The following EXOC6 variants were observed in gnomAD, a reference collection of about 807,000 sequenced individuals.
The protein encoded by EXOC6 is exocyst complex component 6, also known as SEC15-like 1.
Under a neutral mutation model 112.5 loss-of-function variants are expected in EXOC6, and 60 were observed. The observed-to-expected ratio is 0.53, with a 90% CI of 0.43 to 0.66. The LOEUF (loss-of-function observed/expected upper bound fraction) is 0.66. EXOC6 is among the 30% of genes least tolerant of loss of function. EXOC6 has a pLI of 0.00. For missense variants in EXOC6, 855 were observed against 957.1 expected, an observed-to-expected ratio of 0.89 and a Z score of 1.41; for synonymous variants, 295 against 308.0, an observed-to-expected ratio of 0.96 and a Z score of 0.44.
intron 7 of EXOC6, among the ~76,000 whole-genome samples, chr10:92,917,554 G>A (rs1468351925): frequency 1.4e-5 from 2 of 146,566 alleles, no homozygotes; most frequent in Non-Finnish European, 3.0e-5. Context: ...TTTAGAGATA[G>A]GGCTCACTGT....
At chr10:92,911,211 T>A (rs190941563) in intron 6 of EXOC6, among the ~76,000 whole-genome samples, 18 of 151,748 alleles carry the variant, frequency 1.2e-4, no homozygotes, top group African/African-American at 4.4e-4. Context: ...TAATGCGTGA[T>A]TTTTTTTTCC....
At chr10:93,016,333 G>T (rs1019065649) in intron 20 of EXOC6, among the ~76,000 whole-genome samples, 2 of 151,854 alleles carry the variant, frequency 1.3e-5, no homozygotes, top group African/African-American at 4.8e-5. Context: ...TAGAGACGGG[G>T]TTTTCCCATG....
At chr10:92,880,941 T>C (rs1257465264) in intron 1 of EXOC6, among the ~76,000 whole-genome samples, 13 of 152,358 alleles carry the variant, frequency 8.5e-5, no homozygotes, top group Non-Finnish European at 2.9e-5. Context: ...AAGTAACTTG[T>C]ATTCTACATG....
intron 1 of EXOC6, among the ~76,000 whole-genome samples, chr10:92,867,912 C>G (rs1412016273): frequency 6.6e-6 from 1 of 152,006 alleles, no homozygotes; most frequent in Non-Finnish European, 1.5e-5. Flanking sequence ...GTAAAATAGC[C>G]AAAAGACAGT....
At chr10:92,935,065 T>C (rs1156369953) in intron 11 of EXOC6, among the ~76,000 whole-genome samples, 1 of 151,978 alleles carries the variant, frequency 6.6e-6, no homozygotes, top group Non-Finnish European at 1.5e-5. Flanking sequence ...TTTGTCTATT[T>C]ATAATTTTAT....
At chr10:93,017,959 G>A (rs1409680321) in intron 20 of EXOC6, among the ~76,000 whole-genome samples, 4 of 149,302 alleles carry the variant, frequency 2.7e-5, no homozygotes, top group Non-Finnish European at 4.4e-5. Flanking sequence ...GCAGTGAGCC[G>A]AGATTGTGCC....
At chr10:92,962,981 G>A (rs1854101177) in intron 17 of EXOC6, among the ~76,000 whole-genome samples, 1 of 152,078 alleles carries the variant, frequency 6.6e-6, no homozygotes. Flanking sequence ...GGACCCTGAA[G>A]GCATTTAAGT....
chr10:92,892,980 GTTTAC>G (rs1014360533), intron 1 of EXOC6, among the ~76,000 whole-genome samples: 22 of 152,240 alleles, frequency 1.4e-4, no homozygotes, highest in African/African-American at 4.8e-5. Flanking sequence ...GAACATGAGC[GTTTAC>G]TTTACATAGT....
chr10:92,884,582 A>G (rs1849122120), intron 1 of EXOC6, among the ~76,000 whole-genome samples: 1 of 152,220 alleles, frequency 6.6e-6, no homozygotes, highest in Admixed American at 6.5e-5. Context: ...AAAAGAAACA[A>G]TACTATTCTA....
chr10:93,019,110 T>C (rs1174481961), intron 20 of EXOC6, among the ~76,000 whole-genome samples: 1 of 152,090 alleles, frequency 6.6e-6, no homozygotes, highest in Non-Finnish European at 1.5e-5. Context: ...TATTGATTGA[T>C]TTATTTATTT....
chr10:92,904,061 A>G (rs1051854567), intron 5 of EXOC6, among the ~76,000 whole-genome samples: 1 of 152,184 alleles, frequency 6.6e-6, no homozygotes, highest in East Asian at 1.9e-4. Flanking sequence ...CAGTATATAT[A>G]TAATATGTTC....
At chr10:92,964,845 G>C (rs1014624297) in intron 17 of EXOC6, among the ~76,000 whole-genome samples, 1 of 152,130 alleles carries the variant, frequency 6.6e-6, no homozygotes. Context: ...CTCATCGTCA[G>C]ACTACTTATA....
chr10:92,906,859 T>C (rs898603570), intron 5 of EXOC6, among the ~76,000 whole-genome samples: 2 of 152,174 alleles, frequency 1.3e-5, no homozygotes, highest in African/African-American at 2.4e-5. Flanking sequence ...ATTCCCCTTA[T>C]AGGTTTTGTA....
intron 8 of EXOC6, among the ~76,000 whole-genome samples, chr10:92,926,006 A>T (rs1851693701): frequency 6.6e-6 from 1 of 151,322 alleles, no homozygotes; most frequent in South Asian, 2.1e-4. Flanking sequence ...TTTGATCATG[A>T]GGACTGGCTT....
intron 13 of EXOC6, 47 bp downstream of exon 13, chr10:92,940,871 A>G (rs1226188676): frequency 2.5e-6 from 3 of 1,210,010 alleles, no homozygotes; most frequent in East Asian, 2.3e-5. Flanking sequence ...TGTTTGTCAA[A>G]TGCTCAAGTG....
intron 1 of EXOC6, among the ~76,000 whole-genome samples, chr10:92,863,976 C>T (rs534551733): frequency 6.6e-5 from 10 of 150,592 alleles, no homozygotes; most frequent in South Asian, 2.1e-4. Flanking sequence ...AAAATTAGCT[C>T]GGCATGGTGG....
At chr10:92,972,824 A>G (rs1049304462) in intron 17 of EXOC6, among the ~76,000 whole-genome samples, 2 of 152,166 alleles carry the variant, frequency 1.3e-5, no homozygotes, top group Admixed American at 6.5e-5. Flanking sequence ...TCTTGCACAG[A>G]GCTTCAAGGT....
chr10:92,891,879 G>A (rs373287953), intron 1 of EXOC6, among the ~76,000 whole-genome samples: 1 of 152,166 alleles, frequency 6.6e-6, no homozygotes, highest in South Asian at 2.1e-4. Context: ...CTACCCTCAA[G>A]AAGTTTATGG....
intron 20 of EXOC6, among the ~76,000 whole-genome samples, chr10:93,028,349 A>G (rs1279566019): frequency 6.6e-6 from 1 of 152,134 alleles, no homozygotes; most frequent in Non-Finnish European, 1.5e-5. Flanking sequence ...GGGGTTCAAG[A>G]CTTCAGTGGA....
Sources: gnomAD v4.1 joint callset for allele counts (sites outside exome capture counted in the v4.1 genomes callset) on GRCh38, gnomAD v4.1.1 for gene constraint, MANE v1.5 for transcripts, NCBI Gene and HGNC (gene_info 2026-07-23, HGNC 2026-07-21) for gene names.